The following ZC3H12B variants were observed in gnomAD, a reference collection of about 807,000 sequenced individuals.
ZC3H12B encodes the protein zinc finger CCCH-type containing 12B.
A neutral mutation model predicts 43.9 loss-of-function variants in ZC3H12B; 7 were observed. The ratio of observed to expected loss-of-function variants is 0.16; its 90% CI spans 0.09 to 0.30. ZC3H12B has a LOEUF of 0.30. Among genes scored for constraint, ZC3H12B ranks in the 10% least tolerant of loss-of-function variants. The pLI, the probability that ZC3H12B is intolerant of heterozygous loss-of-function variation, is 1.00. For missense variants in ZC3H12B, 475 were observed against 670.2 expected (o/e 0.71, Z 3.22); for synonymous variants, 222 against 241.7 (o/e 0.92, Z 0.76).
chrX:65,393,185 C>G (rs968958905), intron 2 of ZC3H12B, among the ~76,000 whole-genome samples: 1 of 111,188 alleles, frequency 9.0e-6, no homozygotes, highest in Non-Finnish European at 1.9e-5. Flanking sequence ...CTTCTCTCCA[C>G]TATTGTCCTA....
intron 3 of ZC3H12B, among the ~76,000 whole-genome samples, chrX:65,471,986 C>A (rs1389476586): frequency 1.8e-5 from 2 of 111,753 alleles, no homozygotes; most frequent in Non-Finnish European, 3.8e-5. Context: ...ACTCCTTTAG[C>A]ATTTCTTGTA....
At chrX:65,371,528 G>T (rs1416898711) in intron 2 of ZC3H12B, among the ~76,000 whole-genome samples, 1 of 111,546 alleles carries the variant, frequency 9.0e-6, no homozygotes, top group Admixed American at 9.6e-5. Flanking sequence ...AAGAGTCACT[G>T]TTATTTATGT....
exon 5 of ZC3H12B, chrX:65,506,543 G>A (rs1011351891): frequency 8.9e-5 from 10 of 112,153 alleles, no homozygotes; most frequent in African/African-American, 3.3e-4. Context: ...TAAGCACTCA[G>A]CAGGGGTTAC....
the ZC3H12B span, among the ~76,000 whole-genome samples, chrX:65,225,601 A>T: frequency 8.9e-6 from 1 of 112,195 alleles, no homozygotes; most frequent in Non-Finnish European, 1.9e-5. Flanking sequence ...AATTCAAACC[A>T]AAGGCAAAGA....
At chrX:65,245,629 T>G in the ZC3H12B span, among the ~76,000 whole-genome samples, 1 of 111,717 alleles carries the variant, frequency 9.0e-6, no homozygotes, top group African/African-American at 3.3e-5. Context: ...AGGCTTTTGA[T>G]AAAATTCAAC....
At chrX:65,298,607 C>T in the ZC3H12B span, among the ~76,000 whole-genome samples, 8 of 110,844 alleles carry the variant, frequency 7.2e-5, no homozygotes, top group Non-Finnish European at 1.5e-4. Flanking sequence ...GGGTATATAC[C>T]CAAAGGAAAT....
the ZC3H12B span, among the ~76,000 whole-genome samples, chrX:65,150,804 G>T: frequency 9.0e-6 from 1 of 110,712 alleles, no homozygotes; most frequent in Non-Finnish European, 1.9e-5. Flanking sequence ...GATTTTGCTT[G>T]CTTGCTTTTA....
chrX:65,116,039 G>T, the ZC3H12B span, among the ~76,000 whole-genome samples: 14 of 111,593 alleles, frequency 1.3e-4, no homozygotes, highest in Non-Finnish European at 2.6e-4. Flanking sequence ...CTGTGCAGAA[G>T]CTTTTTAGTT....
chrX:65,056,223 A>G, the ZC3H12B span, among the ~76,000 whole-genome samples: 1 of 111,278 alleles, frequency 9.0e-6, no homozygotes, highest in East Asian at 2.8e-4. Context: ...TCTTGTGGGC[A>G]TTTAGTGGTA....
chrX:65,175,010 A>C, the ZC3H12B span, among the ~76,000 whole-genome samples: 1 of 112,048 alleles, frequency 8.9e-6, no homozygotes. Context: ...CTTGAAACCC[A>C]GGCCCCTTCA....
chrX:65,408,703 C>A (rs2066867323), intron 3 of ZC3H12B: 5 of 794,468 alleles, frequency 6.3e-6, no homozygotes, highest in East Asian at 3.4e-5. Context: ...TCCTCATACT[C>A]TTACAGTGCT....
At chrX:65,142,619 T>G in the ZC3H12B span, among the ~76,000 whole-genome samples, 1 of 112,656 alleles carries the variant, frequency 8.9e-6, no homozygotes. Context: ...CTTCCAGAAT[T>G]TTTACAGTTT....
chrX:65,151,168 A>C, the ZC3H12B span, among the ~76,000 whole-genome samples: 3 of 111,251 alleles, frequency 2.7e-5, no homozygotes, highest in African/African-American at 9.7e-5. Context: ...AAAAAATATA[A>C]CAGACTTCTT....
At chrX:65,150,800 G>C in the ZC3H12B span, among the ~76,000 whole-genome samples, 1 of 110,569 alleles carries the variant, frequency 9.0e-6, no homozygotes, top group African/African-American at 3.3e-5. Context: ...ATGAGATTTT[G>C]CTTGCTTGCT....
intron 3 of ZC3H12B, among the ~76,000 whole-genome samples, chrX:65,446,517 G>C (rs762155754): frequency 1.8e-5 from 2 of 111,832 alleles, no homozygotes; most frequent in Non-Finnish European, 3.8e-5. Context: ...CAGAACTCAG[G>C]TTCCAATGGT....
chrX:65,450,066 G>C (rs969194247), intron 3 of ZC3H12B, among the ~76,000 whole-genome samples: 1 of 108,744 alleles, frequency 9.2e-6, no homozygotes, highest in Non-Finnish European at 1.9e-5. Context: ...CAACACTTTG[G>C]GAGGCTGAGG....
the ZC3H12B span, among the ~76,000 whole-genome samples, chrX:65,289,025 A>G: frequency 9.0e-6 from 1 of 111,237 alleles, no homozygotes; most frequent in African/African-American, 3.3e-5. Context: ...TTAAGAATAA[A>G]TTTAATATAG....
the ZC3H12B span, among the ~76,000 whole-genome samples, chrX:65,198,021 C>T: frequency 2.7e-5 from 3 of 112,228 alleles, no homozygotes; most frequent in African/African-American, 9.7e-5. Flanking sequence ...CACATTCGAT[C>T]CCGCAGCTCT....
the ZC3H12B span, among the ~76,000 whole-genome samples, chrX:65,145,446 G>T: frequency 9.0e-6 from 1 of 111,627 alleles, no homozygotes; most frequent in East Asian, 2.8e-4. Context: ...CTTTTAAGTT[G>T]AGCATTTAGG....
Sources: gnomAD v4.1 joint callset for allele counts (sites outside exome capture counted in the v4.1 genomes callset) on GRCh38, gnomAD v4.1.1 for gene constraint, MANE v1.5 for transcripts, NCBI Gene and HGNC (gene_info 2026-07-23, HGNC 2026-07-21) for gene names.